PNLIP: variants seen among roughly 807,000 people sequenced by gnomAD.
PNLIP encodes pancreatic lipase, also known as pancreatic triacylglycerol lipase.
PNLIP carries 49 observed loss-of-function variants against 57.1 expected under a neutral mutation model. The observed-to-expected ratio is 0.86, with a 90% CI of 0.68 to 1.09. PNLIP has a LOEUF of 1.09. Among genes scored for constraint, PNLIP ranks in the 50% least tolerant of loss-of-function variants. The pLI, the probability that PNLIP is intolerant of heterozygous loss-of-function variation, is 0.00. For missense variants in PNLIP, 503 were observed against 570.2 expected, an observed-to-expected ratio of 0.88 and a Z score of 1.20; for synonymous variants, 209 against 200.4, an observed-to-expected ratio of 1.04 and a Z score of -0.36.
At chr10:116,547,746 AAAG>A (rs1434009153) in intron 3 of PNLIP, among the ~76,000 whole-genome samples, 83 of 151,034 alleles carry the variant, frequency 5.5e-4, no homozygotes, top group African/African-American at 1.4e-3. Context: ...AAAAAAAAAA[AAAG>A]AAGAAGAACC....
At position 116,555,297 on chromosome 10, in the gene PNLIP, G is replaced by T. The variant is rs759021350; in HGVS notation, c.691G>T (p.Gly231Trp). 1 of 1,614,104 alleles carries T rather than the reference G, an allele frequency of 6.2e-7. No individual in the cohort carries two copies. Among genetic ancestry groups the T allele is most frequent in the Non-Finnish European group, 8.5e-7 (1 of 1,180,014 alleles). The change falls in exon 7 of 13, where the codon GGG becomes TGG. Residue 231 changes from glycine (G) to tryptophan (W), a missense_variant and splice_region_variant. Transcript: ENST00000369221. ...TGGTGCCCCCATAGTCCCCAATTTGGGTGAGTTCCTCAACCCGTCCCCCAA... is the reference window on the plus strand; with the variant it reads ...TGGTGCCCCCATAGTCCCCAATTTGTGTGAGTTCCTCAACCCGTCCCCCAA... Reference protein sequence around the residue: ...TDGAPIVPNLGFGMSQVVGHL... With the variant: ...TDGAPIVPNLWFGMSQVVGHL...
chr10:116,547,408 G>A lies in PNLIP; in HGVS notation c.161G>A (p.Arg54His), dbSNP rs753381451. 3.2e-5 allele frequency: 51 copies of A among 1,613,720 alleles called. No homozygotes were observed. Among genetic ancestry groups the A allele is most frequent in the South Asian group, 1.2e-4 (11 of 91,058 alleles). Residue 54 changes from arginine (R) to histidine (H), a missense_variant, in exon 3 of 13, where the codon CGC (arginine) becomes CAC (histidine). Coordinates refer to ENST00000369221, the MANE Select transcript of PNLIP (RefSeq NM_000936.4). ...LPWSPKDVNT[R>H]FLLYTNENPN... The stretch of plus-strand genomic sequence containing the variant: ...TGGTCTCCAAAAGATGTCAACACCC[G>A]CTTCCTCCTATATACTAATGAGAAC...
rs1372305776 is a variant in PNLIP, at chr10:116,560,470, T to C, written c.1115T>C (p.Ile372Thr). ...TLSGKKVTGH[I>T]LVSLFGNKGN... is the part of the protein sequence containing the mutation. ...TCTGGAAAAAAGGTTACAGGACACA[T>C]ACTAGTTTCTTTGTTCGGAAATAAA... Residue 372 changes from isoleucine to threonine, a missense_variant, in exon 11 of 13, where the codon ATA (isoleucine) becomes ACA (threonine). By Grantham distance (89) the Ile-to-Thr change is moderately conservative (BLOSUM62 -1). Coordinates refer to ENST00000369221, the MANE Select transcript of PNLIP (RefSeq NM_000936.4). The C allele has an allele frequency of 2.5e-6, 4 of 1,608,932 alleles. No homozygotes were observed. The African/African-American group carries it at 4.0e-5, about 16-fold the overall frequency.
intron 4 of PNLIP, among the ~76,000 whole-genome samples, chr10:116,550,394 A>G (rs892658318): frequency 1.3e-5 from 2 of 151,996 alleles, no homozygotes; most frequent in African/African-American, 4.8e-5. Flanking sequence ...AAAAGAAGCT[A>G]TACATAAACA....
Position 116,551,346 on chromosome 10 carries a change from CAG to C in PNLIP, c.459+116_459+117del, listed in dbSNP as rs377608595. 5.9e-4 allele frequency: 403 copies of C among 683,654 alleles called. No homozygotes were observed. The African/African-American group carries it at 7.1e-3, about 12-fold the overall frequency. 42.3% of individuals were successfully genotyped at this position (683,654 alleles called of 1,614,324 possible). On this transcript the variant is annotated intron_variant, in intron 5 of 12. Transcript: ENST00000369221. The stretch of plus-strand genomic sequence containing the variant: ...TCATAGATAAAGACACTTCTCTACT[CAG>C]ATATGATGTTTCTCTTGGCTACAAA...
intron 8 of PNLIP, among the ~76,000 whole-genome samples, chr10:116,555,799 T>C (rs369774620): frequency 8.5e-5 from 13 of 152,354 alleles, no homozygotes; most frequent in African/African-American, 2.6e-4. Flanking sequence ...TTAATTACAG[T>C]ATTACCTATT....
intron 12 of PNLIP, 122 bp from the exon 13 acceptor site, chr10:116,567,613 C>T (rs1847383520): frequency 2.6e-6 from 2 of 754,730 alleles, no homozygotes; most frequent in East Asian, 5.1e-5. Flanking sequence ...ATTGTCTGGT[C>T]TCCAGCACAG....
intron 12 of PNLIP, 93 bp downstream of exon 12, chr10:116,561,729 C>T: frequency 9.0e-7 from 1 of 1,108,926 alleles, no homozygotes; most frequent in South Asian, 1.6e-5. Context: ...AAACCTCCTA[C>T]AGGGGATCGC....
In PNLIP at chr10:116,561,611, A is replaced by G. The variant is rs1361839382; in HGVS notation, c.1309A>G (p.Ile437Val). 1.2e-6 allele frequency: 2 copies of G among 1,611,160 alleles called. No individual in the cohort carries two copies. Among genetic ancestry groups the G allele is most frequent in the Non-Finnish European group, 1.7e-6 (2 of 1,178,882 alleles). Residue 437 changes from isoleucine (I) to valine (V), a missense_variant, in exon 12 of 13, where the codon ATA (isoleucine) becomes GTA (valine). By Grantham distance (29) the Ile-to-Val change is conservative. Coordinates refer to ENST00000369221, the MANE Select transcript of PNLIP (RefSeq NM_000936.4). ...ACCTAGAGTGGGAGCATCCAAGATT[A>G]TAGTGGAGACAAATGTTGGAAAACA... Reference protein sequence around the residue: ...TLPRVGASKIIVETNVGKQFN... With the variant: ...TLPRVGASKIVVETNVGKQFN...
chr10:116,546,820 G>T (rs1220797135), intron 2 of PNLIP, among the ~76,000 whole-genome samples: 1 of 152,186 alleles, frequency 6.6e-6, no homozygotes, highest in African/African-American at 2.4e-5. Context: ...TGGTTTGGTT[G>T]TTTGTGAACA....
chr10:116,566,517 T>G (rs989403741), intron 12 of PNLIP, among the ~76,000 whole-genome samples: 2 of 152,080 alleles, frequency 1.3e-5, no homozygotes, highest in Non-Finnish European at 2.9e-5. Context: ...GTGTGTGTTG[T>G]GTGTGTGTGA....
intron 11 of PNLIP, 25 bp downstream of exon 11, chr10:116,560,549 G>GA: frequency 1.3e-6 from 1 of 766,196 alleles, no homozygotes; most frequent in Non-Finnish European, 2.0e-6. Flanking sequence ...ATTGCTCTAT[G>GA]CTTTTTTTTT....
chr10:116,551,133 T>C lies in PNLIP; in HGVS notation c.360T>C (p.Cys120=), dbSNP rs1847185864. 3.1e-6 allele frequency: 5 copies of C among 1,612,102 alleles called. No homozygotes were observed. Among genetic ancestry groups the C allele is most frequent in the Non-Finnish European group, 4.2e-6 (5 of 1,178,908 alleles). The change falls in exon 5 of 13, where the codon TGT becomes TGC. Residue 120 remains cysteine (C), a synonymous_variant. Coordinates refer to ENST00000369221, the MANE Select transcript of PNLIP (RefSeq NM_000936.4). ...AGGTGGAAAGTGTGAACTGTATCTG[T>C]GTGGACTGGAAAGGTGGCTCCCGAA... ...LFKVESVNCI[C]VDWKGGSRTG... is the part of the protein sequence containing the mutation.
chr10:116,558,549 G>A (rs950366733), intron 9 of PNLIP, among the ~76,000 whole-genome samples: 1 of 151,530 alleles, frequency 6.6e-6, no homozygotes, highest in Non-Finnish European at 1.5e-5. Flanking sequence ...AATGTCTTGG[G>A]AGCAAATTAG....
In PNLIP at chr10:116,559,199, C is replaced by A. The variant is rs371562352; in HGVS notation, c.976C>A (p.His326Asn). 1.2e-6 allele frequency: 2 copies of A among 1,613,736 alleles called. No homozygotes were observed. The highest frequency in any genetic ancestry group is 1.7e-6 in the Non-Finnish European group (2 of 1,179,714). The change falls in exon 10 of 13, where the codon CAC (histidine) becomes AAC (asparagine). Residue 326 changes from histidine to asparagine, a missense_variant. By Grantham distance (68) the His-to-Asn change is moderately conservative. Transcript: ENST00000369221. ...CPSGGCPQMG[H>N]YADRYPGKTN... Reference sequence around the variant, plus strand: ...AAGTGGAGGCTGCCCACAGATGGGTCACTATGCTGATAGATATCCTGGGAA... The same window carrying A: ...AAGTGGAGGCTGCCCACAGATGGGTAACTATGCTGATAGATATCCTGGGAA...
chr10:116,555,046 G>A, intron 6 of PNLIP, 132 bp from the exon 7 acceptor site: 1 of 994,442 alleles, frequency 1.0e-6, no homozygotes, highest in Non-Finnish European at 1.5e-6. Flanking sequence ...ATAGCTAGAA[G>A]TAGATTCCTC....
intron 4 of PNLIP, among the ~76,000 whole-genome samples, chr10:116,550,818 GT>G (rs1397781267): frequency 6.6e-6 from 1 of 152,140 alleles, no homozygotes; most frequent in Non-Finnish European, 1.5e-5. Context: ...ATTTTATACA[GT>G]TTATACACTT....
intron 8 of PNLIP, 23 bp from the exon 9 acceptor site, chr10:116,555,977 G>T (rs779082677): frequency 7.3e-7 from 1 of 1,361,998 alleles, no homozygotes; most frequent in African/African-American, 1.4e-5. Flanking sequence ...TGTCCTTGAT[G>T]TGTAATTGTG....
intron 12 of PNLIP, among the ~76,000 whole-genome samples, chr10:116,566,391 T>G (rs1172549602): frequency 6.6e-6 from 1 of 152,126 alleles, no homozygotes; most frequent in South Asian, 2.1e-4. Flanking sequence ...CGTGGTTGCC[T>G]GGGAGGAGTG....
Sources: allele counts gnomAD v4.1 joint callset (sites outside exome capture counted in the v4.1 genomes callset), GRCh38; gene constraint gnomAD v4.1.1; transcripts MANE v1.5; gene names NCBI Gene and HGNC (gene_info 2026-07-23, HGNC 2026-07-21).